TENM1: variants seen among roughly 807,000 people sequenced by gnomAD.
TENM1 encodes teneurin transmembrane protein 1.
In TENM1, 35 loss-of-function variants were observed where a neutral mutation model predicts 174.8. The observed-to-expected ratio is 0.20, with a 90% CI of 0.15 to 0.27. TENM1 has a LOEUF of 0.27. TENM1 is among the 10% of genes least tolerant of loss of function. TENM1 has a pLI of 1.00. For missense variants in TENM1, 1,633 were observed against 2,130.1 expected (o/e 0.77, Z 4.59); for synonymous variants, 781 against 798.7 (o/e 0.98, Z 0.37).
At chrX:124,420,158 G>A (rs1314264808) in intron 25 of TENM1, among the ~76,000 whole-genome samples, 153 bp downstream of exon 28, 1 of 111,709 alleles carries the variant, frequency 9.0e-6, no homozygotes, top group Admixed American at 9.5e-5. Context: ...TAGGAATTAG[G>A]TAAAATTTTC....
At chrX:124,502,368 G>A (rs181545190) in intron 19 of TENM1, among the ~76,000 whole-genome samples, 1 of 112,307 alleles carries the variant, frequency 8.9e-6, no homozygotes, top group East Asian at 2.8e-4. Context: ...AATGGTAAGA[G>A]GATACAAGAC....
the TENM1 span, among the ~76,000 whole-genome samples, chrX:125,126,678 T>C: frequency 9.0e-6 from 1 of 110,926 alleles, no homozygotes; most frequent in Non-Finnish European, 1.9e-5. Flanking sequence ...ATGGTTGTAA[T>C]GGCATGTCCC....
chrX:124,524,733 C>G (rs532324799), intron 16 of TENM1, among the ~76,000 whole-genome samples: 1 of 111,881 alleles, frequency 8.9e-6, no homozygotes, highest in Admixed American at 9.5e-5. Flanking sequence ...TGGTCTATGA[C>G]AAGACTATTG....
intron 3 of TENM1, among the ~76,000 whole-genome samples, chrX:124,859,420 T>C (rs1406669111): frequency 9.2e-6 from 1 of 108,341 alleles, no homozygotes; most frequent in Non-Finnish European, 1.9e-5. Context: ...GGCAGGCGCC[T>C]GTAATCCCAG....
chrX:125,041,373 A>T, the TENM1 span, among the ~76,000 whole-genome samples: 1 of 111,263 alleles, frequency 9.0e-6, no homozygotes, highest in Non-Finnish European at 1.9e-5. Context: ...AGGCTCCAGA[A>T]CTATGAGCTC....
exon 32 of TENM1, chrX:124,380,810 T>C: frequency 8.3e-7 from 1 of 1,211,711 alleles, no homozygotes; most frequent in Non-Finnish European, 1.1e-6. Context: ...AGTTGTCCCA[T>C]ACCGGATGTT....
At chrX:125,052,741 C>G in the TENM1 span, among the ~76,000 whole-genome samples, 2 of 112,148 alleles carry the variant, frequency 1.8e-5, no homozygotes, top group Non-Finnish European at 3.8e-5. Context: ...TCATACAACC[C>G]CCAGTCTTCT....
At chrX:124,591,685 C>G (rs920521561) in intron 11 of TENM1, among the ~76,000 whole-genome samples, 4 of 111,516 alleles carry the variant, frequency 3.6e-5, no homozygotes, top group Non-Finnish European at 7.5e-5. Context: ...CTTGGATAGT[C>G]TGCGGACTAC....
intron 3 of TENM1, among the ~76,000 whole-genome samples, chrX:124,827,692 T>C (rs1569457331): frequency 8.9e-6 from 1 of 111,936 alleles, no homozygotes; most frequent in Non-Finnish European, 1.9e-5. Context: ...TCAATAAAAA[T>C]ATCTTCTGCT....
chrX:124,492,666 T>C (rs1035277217), intron 20 of TENM1, among the ~76,000 whole-genome samples: 11 of 110,870 alleles, frequency 9.9e-5, no homozygotes, highest in African/African-American at 3.6e-4. Context: ...TCATGTATAT[T>C]CCATTAGCTT....
chrX:124,394,000 A>G (rs2060309169), intron 27 of TENM1, among the ~76,000 whole-genome samples: 1 of 112,624 alleles, frequency 8.9e-6, no homozygotes, highest in Non-Finnish European at 1.9e-5. Context: ...AAACAACACT[A>G]GTAATTGTTA....
exon 22 of TENM1, chrX:124,481,744 T>A: frequency 9.5e-7 from 1 of 1,052,312 alleles, no homozygotes; most frequent in Non-Finnish European, 1.3e-6. Flanking sequence ...CGAGGGCTAT[T>A]CAGTGAAGCT....
the TENM1 span, among the ~76,000 whole-genome samples, chrX:124,970,949 T>C: frequency 3.6e-5 from 4 of 109,808 alleles, no homozygotes; most frequent in Admixed American, 1.9e-4. Flanking sequence ...TGGAATACTA[T>C]GCAGCCATAA....
At chrX:124,801,454 C>T (rs1256432020) in intron 3 of TENM1, among the ~76,000 whole-genome samples, 1 of 111,757 alleles carries the variant, frequency 8.9e-6, no homozygotes, top group Non-Finnish European at 1.9e-5. Context: ...CTTCCTCCAT[C>T]CCTTTATTTT....
chrX:124,891,614 G>A (rs918115896), intron 3 of TENM1, among the ~76,000 whole-genome samples: 5 of 106,260 alleles, frequency 4.7e-5, no homozygotes, highest in Non-Finnish European at 9.6e-5. Context: ...AGCCACGATC[G>A]CACCACTGCA....
the TENM1 span, among the ~76,000 whole-genome samples, chrX:125,196,572 T>C: frequency 1.8e-5 from 2 of 111,645 alleles, no homozygotes; most frequent in Non-Finnish European, 3.8e-5. Flanking sequence ...AGAGTTTAAA[T>C]TCAAAATGTT....
At chrX:124,750,647 G>A (rs979933340) in intron 3 of TENM1, among the ~76,000 whole-genome samples, 3 of 111,763 alleles carry the variant, frequency 2.7e-5, no homozygotes, top group African/African-American at 9.8e-5. Context: ...CAGCCTTGAA[G>A]AAAACACAGT....
Position 124,802,790 on chromosome X carries a change from CCTCAAGTAG to C in TENM1, c.536-65602_536-65594del, listed in dbSNP as rs759828059. ...TTCATTCTAAGCCCCACTGCTTCAG[CCTCAAGTAG>C]CTCTATTAGTGCAAAAACAAACTAT... is the stretch of plus-strand genomic sequence containing the variant. On this transcript the variant is annotated intron_variant, in intron 3 of 31. Transcript: ENST00000422452. Among the ~76,000 whole-genome samples, 246 of 111,969 alleles carry C rather than the reference CCTCAAGTAG, an allele frequency of 2.2e-3. 2 individuals are homozygous for C. In the South Asian group the frequency reaches 0.081, roughly 37 times the overall value.
At chrX:124,475,871 C>T (rs955391680) in intron 22 of TENM1, among the ~76,000 whole-genome samples, 3 of 111,896 alleles carry the variant, frequency 2.7e-5, no homozygotes, top group African/African-American at 9.7e-5. Context: ...AATCCTTTCC[C>T]TATAGGATAA....
Sources: gnomAD v4.1 joint callset for allele counts (sites outside exome capture counted in the v4.1 genomes callset) on GRCh38, gnomAD v4.1.1 for gene constraint, MANE v1.5 for transcripts, NCBI Gene and HGNC (gene_info 2026-07-23, HGNC 2026-07-21) for gene names.